Variants in MEMO1 observed in about 807,000 individuals in gnomAD.
The protein encoded by MEMO1 is protein MEMO1.
MEMO1 carries 6 observed loss-of-function variants against 45.2 expected under a neutral mutation model. The observed-to-expected ratio is 0.13, with a 90% CI of 0.07 to 0.26. The LOEUF is 0.26. Among genes scored for constraint, MEMO1 ranks in the 10% least tolerant of loss-of-function variants. The pLI, the probability that MEMO1 is intolerant of heterozygous loss-of-function variation, is 1.00. For missense variants in MEMO1, 184 were observed against 370.5 expected, an observed-to-expected ratio of 0.50 and a Z score of 4.13; for synonymous variants, 78 against 124.3, an observed-to-expected ratio of 0.63 and a Z score of 2.48.
chr2:31,980,929 G>C (rs994173275), intron 2 of MEMO1, among the ~76,000 whole-genome samples: 6 of 152,136 alleles, frequency 3.9e-5, no homozygotes, highest in African/African-American at 7.2e-5. Context: ...CAGCCAATAC[G>C]GTAGTCTCAG....
intron 6 of MEMO1, among the ~76,000 whole-genome samples, chr2:31,903,353 T>C (rs542210134): frequency 6.9e-4 from 90 of 130,568 alleles, no homozygotes; most frequent in African/African-American, 2.6e-3. Context: ...GTTGTTGTCA[T>C]AGTAATACCA....
intron 2 of MEMO1, among the ~76,000 whole-genome samples, chr2:31,944,884 T>A (rs1666015780): frequency 6.6e-6 from 1 of 152,140 alleles, no homozygotes; most frequent in Non-Finnish European, 1.5e-5. Context: ...ATCTAGGTAA[T>A]AATATAACAA....
At chr2:31,908,446 GA>G (rs202221500) in intron 6 of MEMO1, among the ~76,000 whole-genome samples, 3 of 147,166 alleles carry the variant, frequency 2.0e-5, no homozygotes, top group African/African-American at 5.0e-5. Flanking sequence ...ATCCTGACAG[GA>G]AAAAAAAAAC....
chr2:31,992,873 A>T (rs1672118903), intron 2 of MEMO1, among the ~76,000 whole-genome samples: 1 of 152,210 alleles, frequency 6.6e-6, no homozygotes, highest in African/African-American at 2.4e-5. Context: ...AAAAAACACT[A>T]AAGATAATAA....
chr2:31,937,963 G>C (rs986219855), intron 3 of MEMO1, among the ~76,000 whole-genome samples: 1 of 152,194 alleles, frequency 6.6e-6, no homozygotes, highest in African/African-American at 2.4e-5. Context: ...AAGTCATGTA[G>C]AAAGGCATTT....
intron 2 of MEMO1, among the ~76,000 whole-genome samples, chr2:31,966,732 C>CAAAAAAAAAGA (rs1668658804): frequency 8.5e-6 from 1 of 117,842 alleles, no homozygotes; most frequent in South Asian, 2.7e-4. Flanking sequence ...GACTCTGTCT[C>CAAAAAAAAAGA]AAAAAAAAAA....
At chr2:31,903,234 C>T (rs1223391033) in intron 6 of MEMO1, among the ~76,000 whole-genome samples, 2 of 152,066 alleles carry the variant, frequency 1.3e-5, no homozygotes, top group East Asian at 3.9e-4. Context: ...CCTAATGAGT[C>T]TAGAAGCAGT....
chr2:31,888,166 A>T lies in MEMO1; in HGVS notation c.580+3826T>A, dbSNP rs143957008. Among the ~76,000 whole-genome samples the T allele has an allele frequency of 9.8e-3, 1,485 of 152,206 alleles. 27 individuals carry two copies. Among genetic ancestry groups the T allele is most frequent in the South Asian group, 0.048 (234 of 4,828 alleles). ...TAAAAGGCAAATCAAATAAAGCATG[A>T]AGTCCACTTTTACTTTTTGTTTATT... On this transcript the variant is annotated intron_variant, in intron 7 of 9. Coordinates refer to ENST00000404530, the MANE Select transcript of MEMO1 (RefSeq NM_001301833.4).
At chr2:31,889,692 T>C (rs1410862951) in intron 7 of MEMO1, among the ~76,000 whole-genome samples, 1 of 152,064 alleles carries the variant, frequency 6.6e-6, no homozygotes, top group South Asian at 2.1e-4. Flanking sequence ...GAATATTATC[T>C]ATGTTACACC....
intron 2 of MEMO1, among the ~76,000 whole-genome samples, chr2:31,986,963 GTGTAGCA>G (rs1169192767): frequency 2.6e-5 from 4 of 152,246 alleles, no homozygotes; most frequent in African/African-American, 4.8e-5. Context: ...AAAGTAAAGA[GTGTAGCA>G]TGTTGCAACA....
intron 2 of MEMO1, among the ~76,000 whole-genome samples, chr2:31,958,742 C>T (rs902321568): frequency 5.3e-5 from 8 of 151,802 alleles, no homozygotes. Flanking sequence ...ACCTCCGCTT[C>T]CCTGGCTCAA....
intron 2 of MEMO1, among the ~76,000 whole-genome samples, chr2:31,989,179 G>C (rs2148536252): frequency 6.7e-6 from 1 of 149,956 alleles, no homozygotes; most frequent in Admixed American, 6.7e-5. Flanking sequence ...GGTGAGCCAA[G>C]ATCGCGCCAT....
intron 6 of MEMO1, among the ~76,000 whole-genome samples, chr2:31,914,342 G>C (rs1293405983): frequency 1.3e-5 from 2 of 152,194 alleles, no homozygotes; most frequent in Non-Finnish European, 2.9e-5. Context: ...ATGATTACCA[G>C]AGGCTGGGAA....
At chr2:31,954,885 C>G (rs1347712923) in intron 2 of MEMO1, among the ~76,000 whole-genome samples, 4 of 151,136 alleles carry the variant, frequency 2.6e-5, no homozygotes, top group Non-Finnish European at 2.9e-5. Flanking sequence ...AGATGTGCCA[C>G]TACAATCTCT....
At chr2:31,871,282 T>C (rs148932282) in intron 8 of MEMO1, among the ~76,000 whole-genome samples, 2,177 of 152,310 alleles carry the variant, frequency 0.014, 23 homozygotes, top group Non-Finnish European at 0.021. Flanking sequence ...GTTTTTGTTT[T>C]TGTTTTTATT....
Position 31,993,332 on chromosome 2 carries a change from A to T in MEMO1, c.61+16855T>A, listed in dbSNP as rs192788071. On this transcript the variant is annotated intron_variant, in intron 2 of 9. Transcript: ENST00000404530. The stretch of plus-strand genomic sequence containing the variant: ...TACAACTACAAAAACTAGACAAAAC[A>T]TATAAATATGCATTGCATTATTTTT... 1.6e-3 allele frequency among the ~76,000 whole-genome samples: 241 copies of T among 152,334 alleles called. 1 individual carries two copies. The highest frequency in any genetic ancestry group is 5.4e-3 in the African/African-American group (224 of 41,574).
chr2:31,971,924 C>T (rs1337929832), intron 2 of MEMO1, among the ~76,000 whole-genome samples: 3 of 151,950 alleles, frequency 2.0e-5, no homozygotes, highest in African/African-American at 4.8e-5. Context: ...GAGCCAAGAT[C>T]GTGCCACTGC....
At chr2:31,889,991 A>G (rs866686337) in intron 7 of MEMO1, among the ~76,000 whole-genome samples, 1 of 152,142 alleles carries the variant, frequency 6.6e-6, no homozygotes, top group African/African-American at 2.4e-5. Flanking sequence ...TTTCCAAGAA[A>G]TCAGGAGACA....
intron 3 of MEMO1, among the ~76,000 whole-genome samples, chr2:31,935,422 C>T (rs1437481987): frequency 6.6e-6 from 1 of 152,124 alleles, no homozygotes; most frequent in Non-Finnish European, 1.5e-5. Flanking sequence ...ACTCAGATTT[C>T]GTGGTTTCAG....
Sources: allele counts gnomAD v4.1 joint callset (sites outside exome capture counted in the v4.1 genomes callset), GRCh38; gene constraint gnomAD v4.1.1; transcripts MANE v1.5; gene names NCBI Gene and HGNC (gene_info 2026-07-23, HGNC 2026-07-21).